Variants in NEBL observed in about 807,000 individuals in gnomAD.
The protein encoded by NEBL is LIM and SH3 protein 2.
A neutral mutation model predicts 140.2 loss-of-function variants in NEBL; 122 were observed. That is an observed-to-expected ratio of 0.87 (90% CI 0.75 to 1.01). The LOEUF is 1.01. NEBL is among the 50% of genes least tolerant of loss of function. The pLI, the probability that NEBL is intolerant of heterozygous loss-of-function variation, is 0.00. For synonymous variants in NEBL, 436 were observed against 398.9 expected (o/e 1.09, Z -1.11); for missense variants, 1,365 against 1,231.3 (o/e 1.11, Z -1.62).
intron 9 of NEBL, among the ~76,000 whole-genome samples, chr10:20,857,350 A>G (rs1024769588): frequency 2.0e-4 from 31 of 152,176 alleles, no homozygotes; most frequent in Non-Finnish European, 2.9e-5. Flanking sequence ...TTCTAAGTCT[A>G]GGCCCATCAA....
intron 4 of NEBL, among the ~76,000 whole-genome samples, chr10:20,882,972 C>T (rs1057086645): frequency 6.6e-5 from 10 of 152,158 alleles, no homozygotes; most frequent in African/African-American, 2.4e-4. Context: ...ACAGAACTTC[C>T]AATGTGGGAA....
intron 2 of NEBL, among the ~76,000 whole-genome samples, chr10:21,024,685 T>C (rs1235542417): frequency 6.6e-6 from 1 of 152,120 alleles, no homozygotes; most frequent in Non-Finnish European, 1.5e-5. Flanking sequence ...ACTCAACACA[T>C]CTGAAAATCC....
At chr10:20,799,271 T>A (rs1025478949) in intron 26 of NEBL, among the ~76,000 whole-genome samples, 1 of 152,184 alleles carries the variant, frequency 6.6e-6, no homozygotes, top group Non-Finnish European at 1.5e-5. Context: ...TTCTCCTGCC[T>A]CAGCATCCTA....
chr10:21,050,172 A>C (rs1834708213), intron 2 of NEBL, among the ~76,000 whole-genome samples: 1 of 152,206 alleles, frequency 6.6e-6, no homozygotes, highest in Non-Finnish European at 1.5e-5. Context: ...TTCACCAGGT[A>C]GAGTCTCTCT....
At chr10:21,040,536 C>T (rs889895063) in intron 2 of NEBL, among the ~76,000 whole-genome samples, 1 of 152,092 alleles carries the variant, frequency 6.6e-6, no homozygotes, top group Admixed American at 6.6e-5. Context: ...CTTTAAACAG[C>T]CAGCTCTCAT....
intron 1 of NEBL, among the ~76,000 whole-genome samples, chr10:21,276,975 A>G (rs1307308568): frequency 1.3e-5 from 2 of 151,918 alleles, no homozygotes; most frequent in Non-Finnish European, 2.9e-5. Context: ...TCAAAAAAAA[A>G]AAAATTAGCC....
At chr10:20,948,020 G>A (rs922482725) in intron 4 of NEBL, among the ~76,000 whole-genome samples, 3 of 152,210 alleles carry the variant, frequency 2.0e-5, no homozygotes, top group Non-Finnish European at 4.4e-5. Context: ...TTTTAAGAAA[G>A]TTGATGGATT....
chr10:20,983,042 C>T (rs542655345), intron 3 of NEBL, among the ~76,000 whole-genome samples: 4 of 152,206 alleles, frequency 2.6e-5, no homozygotes, highest in African/African-American at 9.6e-5. Context: ...AGGTAGGTAC[C>T]CTAACCCTTG....
intron 1 of NEBL, among the ~76,000 whole-genome samples, chr10:21,291,153 A>C (rs186266184): frequency 7.8e-4 from 119 of 152,038 alleles, no homozygotes; most frequent in Admixed American, 4.5e-3. Context: ...AAGAAGAAAT[A>C]CTGGGCAAAG....
At chr10:20,935,787 G>A (rs1834450420) in intron 4 of NEBL, among the ~76,000 whole-genome samples, 4 of 152,060 alleles carry the variant, frequency 2.6e-5, no homozygotes, top group African/African-American at 9.7e-5. Flanking sequence ...TTGCAAAATA[G>A]CTCATTTGTG....
intron 3 of NEBL, among the ~76,000 whole-genome samples, chr10:21,005,728 TCAAAA>T (rs879450725): frequency 2.6e-5 from 4 of 151,694 alleles, no homozygotes; most frequent in Non-Finnish European, 5.9e-5. Flanking sequence ...AGCAAGTGTC[TCAAAA>T]CAATAATAAT....
chr10:21,064,598 C>T (rs1835449800), intron 2 of NEBL, among the ~76,000 whole-genome samples: 1 of 152,188 alleles, frequency 6.6e-6, no homozygotes, highest in African/African-American at 2.4e-5. Flanking sequence ...ATGTATGTTG[C>T]TCCTTTATTA....
chr10:21,207,345 G>C (rs975655231), intron 3 of NEBL, among the ~76,000 whole-genome samples: 1 of 152,102 alleles, frequency 6.6e-6, no homozygotes, highest in East Asian at 1.9e-4. Context: ...TCTATATCTA[G>C]TACTATGTGA....
intron 26 of NEBL, among the ~76,000 whole-genome samples, chr10:20,802,352 T>G (rs939240579): frequency 1.3e-5 from 2 of 152,184 alleles, no homozygotes; most frequent in African/African-American, 4.8e-5. Context: ...TAAGCGAATC[T>G]AATACCAAAA....
chr10:20,984,125 G>GAAA (rs60270033), intron 3 of NEBL, among the ~76,000 whole-genome samples: 1 of 145,436 alleles, frequency 6.9e-6, no homozygotes. Context: ...AAATGTACCT[G>GAAA]AAAAAAAAAA....
chr10:20,929,928 A>G (rs535744841), intron 4 of NEBL, among the ~76,000 whole-genome samples: 62 of 152,308 alleles, frequency 4.1e-4, no homozygotes, highest in African/African-American at 1.1e-3. Flanking sequence ...AAAAATAAAA[A>G]TAAAAAAATT....
chr10:20,889,484 T>C (rs902131352), intron 3 of NEBL, among the ~76,000 whole-genome samples: 25 of 152,334 alleles, frequency 1.6e-4, no homozygotes, highest in African/African-American at 6.0e-4. Flanking sequence ...TATTCAATCA[T>C]TTATCTCTGA....
At chr10:20,981,844 A>G (rs1311378358) in intron 3 of NEBL, among the ~76,000 whole-genome samples, 1 of 152,182 alleles carries the variant, frequency 6.6e-6, no homozygotes, top group Admixed American at 6.5e-5. Context: ...TAAACAGCCT[A>G]TGAGCCCCTC....
intron 3 of NEBL, among the ~76,000 whole-genome samples, chr10:21,205,933 A>G (rs1359115966): frequency 6.6e-6 from 1 of 152,222 alleles, no homozygotes; most frequent in Non-Finnish European, 1.5e-5. Context: ...TAATTTCACA[A>G]TGCATCAGTA....
Sources: gnomAD v4.1 joint callset for allele counts (sites outside exome capture counted in the v4.1 genomes callset) on GRCh38, gnomAD v4.1.1 for gene constraint, MANE v1.5 for transcripts, NCBI Gene and HGNC (gene_info 2026-07-23, HGNC 2026-07-21) for gene names.